Variants in SGCZ observed in about 807,000 individuals in gnomAD.
The protein encoded by SGCZ is sarcoglycan zeta.
SGCZ carries 40 observed loss-of-function variants against 41.3 expected under a neutral mutation model. The ratio of observed to expected loss-of-function variants is 0.97; its 90% CI spans 0.75 to 1.26. SGCZ has a LOEUF of 1.26. SGCZ is among the 50% of genes most tolerant of loss of function. The pLI is 0.00. For missense variants in SGCZ, 552 were observed against 369.8 expected (o/e 1.49, Z -4.04); for synonymous variants, 206 against 137.5 (o/e 1.50, Z -3.49).
chr8:14,834,073 A>G (rs1277448712), intron 1 of SGCZ, among the ~76,000 whole-genome samples: 1 of 152,188 alleles, frequency 6.6e-6, no homozygotes, highest in Admixed American at 6.5e-5. Context: ...GCATTGCAGT[A>G]AGGCTGAATA....
rs1803126143 is a variant in SGCZ at position 14,846,763 on chromosome 8, C to T, written c.40-291837G>A. ...ATTTGGCTACAGTGGTCAATTCAAT[C>T]ACAGATAAGAAGAGAAGAATACCAG... On this transcript the variant is annotated intron_variant, in intron 1 of 7. Transcript: ENST00000382080. Among the ~76,000 whole-genome samples, 5 of 144,418 alleles carry T rather than the reference C, an allele frequency of 3.5e-5. No homozygotes were observed. In the South Asian group the frequency reaches 1.1e-3, roughly 32 times the overall value. 94.7% of individuals were successfully genotyped at this position (144,418 alleles called of 152,430 possible).
At chr8:14,665,149 C>G (rs988684901) in intron 1 of SGCZ, among the ~76,000 whole-genome samples, 4 of 152,124 alleles carry the variant, frequency 2.6e-5, no homozygotes, top group Non-Finnish European at 5.9e-5. Flanking sequence ...TCTCCTAATG[C>G]TATCCCTCCC....
intron 1 of SGCZ, among the ~76,000 whole-genome samples, chr8:14,711,127 G>A (rs188897695): frequency 2.6e-5 from 4 of 152,220 alleles, no homozygotes; most frequent in South Asian, 4.2e-4. Flanking sequence ...GCCTGACACA[G>A]CACTAGAAAT....
At chr8:14,933,579 C>T (rs1471467630) in intron 1 of SGCZ, among the ~76,000 whole-genome samples, 2 of 151,742 alleles carry the variant, frequency 1.3e-5, no homozygotes, top group African/African-American at 4.9e-5. Flanking sequence ...CTACAGGCGC[C>T]TGCCACCACA....
chr8:14,901,067 T>TCAAA (rs1443177452), intron 1 of SGCZ, among the ~76,000 whole-genome samples: 1 of 152,194 alleles, frequency 6.6e-6, no homozygotes, highest in African/African-American at 2.4e-5. Context: ...GAATGCTTAC[T>TCAAA]CAAAGGAAGA....
chr8:14,800,641 T>C (rs1005922646), intron 1 of SGCZ, among the ~76,000 whole-genome samples: 1 of 152,160 alleles, frequency 6.6e-6, no homozygotes, highest in African/African-American at 2.4e-5. Context: ...TTCCACCTTC[T>C]CTCTTTCTCT....
rs146697920 is a variant in SGCZ at position 15,028,892 on chromosome 8, C to T, written c.39+208693G>A. 1.1e-3 allele frequency among the ~76,000 whole-genome samples: 167 copies of T among 152,052 alleles called. 1 individual carries two copies. The highest frequency in any genetic ancestry group is 3.9e-3 in the African/African-American group (162 of 41,490). ...AAATTCTATTCATTTAGAATATATT[C>T]AAGATAATTTAAAGACCAGGTTGCA... On this transcript the variant is annotated intron_variant, in intron 1 of 7. Transcript: ENST00000382080.
intron 5 of SGCZ, among the ~76,000 whole-genome samples, chr8:14,121,127 CT>C (rs1802683847): frequency 6.6e-6 from 1 of 152,042 alleles, no homozygotes; most frequent in African/African-American, 2.4e-5. Flanking sequence ...AATAGATATC[CT>C]TCTCACGGAA....
chr8:15,099,320 C>G (rs767555789), intron 1 of SGCZ, among the ~76,000 whole-genome samples: 2 of 152,116 alleles, frequency 1.3e-5, no homozygotes, highest in Non-Finnish European at 2.9e-5. Flanking sequence ...AGGGGCTGGG[C>G]CATCACAACT....
At chr8:14,472,084 G>C (rs566359498) in intron 2 of SGCZ, among the ~76,000 whole-genome samples, 8 of 151,890 alleles carry the variant, frequency 5.3e-5, no homozygotes, top group Non-Finnish European at 1.2e-4. Flanking sequence ...TAAGAAATTT[G>C]CTTCTCTGGT....
intron 1 of SGCZ, among the ~76,000 whole-genome samples, chr8:15,074,194 C>G (rs115240768): frequency 0.011 from 1,622 of 152,194 alleles, 31 homozygotes; most frequent in African/African-American, 0.037. Flanking sequence ...TTCCTCTCCC[C>G]CTTCTCATAA....
intron 2 of SGCZ, among the ~76,000 whole-genome samples, chr8:14,455,093 T>A (rs980182713): frequency 6.6e-6 from 1 of 151,916 alleles, no homozygotes; most frequent in Non-Finnish European, 1.5e-5. Flanking sequence ...AATAACTTAA[T>A]AAGAGGGAGA....
At chr8:14,614,098 T>A (rs1563154025) in intron 1 of SGCZ, among the ~76,000 whole-genome samples, 1 of 152,150 alleles carries the variant, frequency 6.6e-6, no homozygotes, top group Non-Finnish European at 1.5e-5. Flanking sequence ...CTAGATTTAA[T>A]CCTTCAGATT....
At chr8:14,754,275 A>G (rs1353615685) in intron 1 of SGCZ, among the ~76,000 whole-genome samples, 1 of 152,156 alleles carries the variant, frequency 6.6e-6, no homozygotes, top group African/African-American at 2.4e-5. Flanking sequence ...GTAGGCCTCA[A>G]AGAAGACTAC....
At chr8:14,530,158 T>C (rs1803082356) in intron 2 of SGCZ, among the ~76,000 whole-genome samples, 1 of 152,010 alleles carries the variant, frequency 6.6e-6, no homozygotes, top group African/African-American at 2.4e-5. Context: ...TCATCTGAAC[T>C]CTCAGTAAAA....
intron 2 of SGCZ, among the ~76,000 whole-genome samples, chr8:14,352,590 C>G (rs527676148): frequency 4.6e-5 from 7 of 152,188 alleles, no homozygotes; most frequent in African/African-American, 1.2e-4. Flanking sequence ...CACAAACAAC[C>G]AGGAAGAGAA....
At chr8:14,915,889 A>C (rs1799421505) in intron 1 of SGCZ, among the ~76,000 whole-genome samples, 1 of 152,204 alleles carries the variant, frequency 6.6e-6, no homozygotes, top group Non-Finnish European at 1.5e-5. Context: ...CAGACAATGA[A>C]ACCCAGGGTA....
chr8:14,087,773 T>C lies in SGCZ; in HGVS notation c.*2670A>G, dbSNP rs1801565926. ...TGGAAAACGAGGACATTTGGGGCCA[T>C]TCTTCTAAGCCTTCACAATAGGCTT... On this transcript the variant is annotated 3_prime_UTR_variant, in exon 8 of 8. Coordinates refer to ENST00000382080, the MANE Select transcript of SGCZ (RefSeq NM_139167.4). Among the ~76,000 whole-genome samples the C allele has an allele frequency of 6.6e-6, 1 of 151,692 alleles. No homozygotes were observed. The highest frequency in any genetic ancestry group is 2.4e-5 in the African/African-American group (1 of 41,388).
intron 2 of SGCZ, among the ~76,000 whole-genome samples, chr8:14,335,772 A>G (rs1293697503): frequency 6.6e-6 from 1 of 152,054 alleles, no homozygotes; most frequent in African/African-American, 2.4e-5. Flanking sequence ...CATTTCCTTC[A>G]ACAGTCTTCC....
Sources: gnomAD v4.1 joint callset for allele counts (sites outside exome capture counted in the v4.1 genomes callset) on GRCh38, gnomAD v4.1.1 for gene constraint, MANE v1.5 for transcripts, NCBI Gene and HGNC (gene_info 2026-07-23, HGNC 2026-07-21) for gene names.